TULP3: variants seen among roughly 807,000 people sequenced by gnomAD.
TULP3 encodes TUB like protein 3.
A neutral mutation model predicts 50.7 loss-of-function variants in TULP3; 38 were observed. The ratio of observed to expected loss-of-function variants is 0.75; its 90% CI spans 0.58 to 0.98. The LOEUF (loss-of-function observed/expected upper bound fraction) is 0.98. Ranked by LOEUF, TULP3 falls within the 50% of genes least tolerant of loss-of-function variation. TULP3 has a pLI of 0.00. For synonymous variants in TULP3, 183 were observed against 196.6 expected, an observed-to-expected ratio of 0.93 and a Z score of 0.58; for missense variants, 550 against 568.0, an observed-to-expected ratio of 0.97 and a Z score of 0.32.
At chr12:2,895,695 G>C (rs540688677) in intron 1 of TULP3, among the ~76,000 whole-genome samples, 4 of 152,096 alleles carry the variant, frequency 2.6e-5, no homozygotes, top group Non-Finnish European at 5.9e-5. Context: ...ACTCTATACA[G>C]TTATTTGCCA....
In TULP3 at chr12:2,899,924, A is replaced by C. The variant is rs866161018; in HGVS notation, c.41+8936A>C. Among the ~76,000 whole-genome samples the C allele has an allele frequency of 7.0e-3, 998 of 143,172 alleles. 41 individuals are homozygous for C. The highest frequency in any genetic ancestry group is 0.025 in the African/African-American group (938 of 37,230). The allele number at this position is 143,172 out of a possible 152,430, so 93.9% of individuals were successfully genotyped here. ...AAAACAAACAAAAAAAAAAACAAAA[A>C]AAACTTGGAGACGGCTGTGGTGGCT... is the stretch of plus-strand genomic sequence containing the variant. On this transcript the variant is annotated intron_variant, in intron 1 of 10. Transcript: ENST00000448120.
rs1480130271 is a variant in TULP3, at chr12:2,890,919, A to C, written c.-29A>C. 6.3e-7 allele frequency: 1 copy of C among 1,582,558 alleles called. No homozygotes were observed. The highest frequency in any genetic ancestry group is 2.4e-5 in the East Asian group (1 of 42,428). ...CTAGCGACGGCGGGGAAGAGTGTGTACGTGGTGGGGGCTTCCTCGGTGGCG... is the reference window on the plus strand; with the variant it reads ...CTAGCGACGGCGGGGAAGAGTGTGTCCGTGGTGGGGGCTTCCTCGGTGGCG... On this transcript the variant is annotated 5_prime_UTR_variant, in exon 1 of 11. Coordinates refer to ENST00000448120, the MANE Select transcript of TULP3 (RefSeq NM_003324.5).
chr12:2,922,888 C>A (rs961692602), intron 4 of TULP3, among the ~76,000 whole-genome samples: 1 of 147,588 alleles, frequency 6.8e-6, no homozygotes, highest in Non-Finnish European at 1.5e-5. Flanking sequence ...AAGTCTCACT[C>A]TGTCGCGCTG....
intron 6 of TULP3, among the ~76,000 whole-genome samples, chr12:2,933,042 A>G (rs1189644409): frequency 6.6e-6 from 1 of 151,896 alleles, no homozygotes; most frequent in Non-Finnish European, 1.5e-5. Flanking sequence ...TCCTGGGTTC[A>G]TGCCATTCTC....
chr12:2,908,680 A>C (rs1424154532), intron 1 of TULP3, among the ~76,000 whole-genome samples: 1 of 152,152 alleles, frequency 6.6e-6, no homozygotes, highest in African/African-American at 2.4e-5. Flanking sequence ...TTGACCTCCC[A>C]AAGTGCTGGG....
At chr12:2,896,702 C>T (rs1281938262) in intron 1 of TULP3, among the ~76,000 whole-genome samples, 3 of 152,116 alleles carry the variant, frequency 2.0e-5, no homozygotes, top group Non-Finnish European at 4.4e-5. Context: ...TTCAATAAAT[C>T]TACAAGGTAG....
At chr12:2,919,225 T>C (rs145803145) in intron 2 of TULP3, among the ~76,000 whole-genome samples, 200 of 152,294 alleles carry the variant, frequency 1.3e-3, no homozygotes, top group African/African-American at 4.7e-3. Context: ...TTCTGTTTGG[T>C]GGAAGTCATT....
At chr12:2,891,462 G>T (rs1372107357) in intron 1 of TULP3, among the ~76,000 whole-genome samples, 2 of 152,204 alleles carry the variant, frequency 1.3e-5, no homozygotes, top group Non-Finnish European at 2.9e-5. Context: ...AGTCCGAGGA[G>T]CGGAAACGCG....
Position 2,939,562 on chromosome 12 carries a change from ATC to A in TULP3, c.*122_*123del. The A allele has an allele frequency of 6.7e-7, 1 of 1,481,522 alleles. No individual in the cohort carries two copies. The highest frequency in any genetic ancestry group is 8.9e-7 in the Non-Finnish European group (1 of 1,122,100). 91.8% of individuals were successfully genotyped at this position (1,481,522 alleles called of 1,614,324 possible). Reference sequence around the variant, plus strand: ...GCAATAGTTTGCCCCTTTTGGAATGATCTCTGAATATATAAAACACACACACA... The same window carrying A: ...GCAATAGTTTGCCCCTTTTGGAATGATCTGAATATATAAAACACACACACA... On this transcript the variant is annotated 3_prime_UTR_variant, in exon 11 of 11. Transcript: ENST00000448120. This position sits in a 1 kb window ranked among gnomAD's most constrained non-coding sequence, Gnocchi z 4.0.
chr12:2,918,182 C>T (rs938530382), intron 2 of TULP3, among the ~76,000 whole-genome samples: 7 of 152,182 alleles, frequency 4.6e-5, no homozygotes, highest in African/African-American at 7.2e-5. Flanking sequence ...GGTCCAATCT[C>T]GGCTCACGGC....
chr12:2,911,882 G>A (rs1292346680), intron 2 of TULP3, among the ~76,000 whole-genome samples: 1 of 151,658 alleles, frequency 6.6e-6, no homozygotes, highest in African/African-American at 2.4e-5. Context: ...CCAGCTGCCT[G>A]GGAGGCTGAG....
intron 1 of TULP3, among the ~76,000 whole-genome samples, chr12:2,908,612 C>G (rs377291290): frequency 6.6e-6 from 1 of 151,426 alleles, no homozygotes; most frequent in Non-Finnish European, 1.5e-5. Flanking sequence ...TTAGTAGAGA[C>G]GGTTTCACTA....
intron 1 of TULP3, among the ~76,000 whole-genome samples, chr12:2,894,709 C>T (rs2098174451): frequency 6.6e-6 from 1 of 152,152 alleles, no homozygotes; most frequent in South Asian, 2.1e-4. Context: ...GCCCAACCAA[C>T]ATGGCGAAAC....
intron 1 of TULP3, among the ~76,000 whole-genome samples, chr12:2,906,649 A>C (rs1195406829): frequency 6.6e-6 from 1 of 151,772 alleles, no homozygotes; most frequent in African/African-American, 2.4e-5. Context: ...TAATTAAAAA[A>C]AAATGGCTGT....
intron 1 of TULP3, among the ~76,000 whole-genome samples, chr12:2,899,918 A>C (rs1359353801): frequency 1.8e-5 from 1 of 54,704 alleles, no homozygotes. Context: ...AAAAAAAAAA[A>C]CAAAAAAAAC....
chr12:2,897,199 A>G (rs1406660290), intron 1 of TULP3, among the ~76,000 whole-genome samples: 1 of 151,962 alleles, frequency 6.6e-6, no homozygotes, highest in Non-Finnish European at 1.5e-5. Context: ...TAGTAGGGAC[A>G]GGATTTCACC....
At position 2,940,568 on chromosome 12, in the gene TULP3, C is replaced by T; in HGVS notation, c.*1124C>T. On this transcript the variant is annotated 3_prime_UTR_variant, in exon 11 of 11. Transcript: ENST00000448120. ...CTTGAGAATGCAGGAGCTCTGTGAGCTCCACCGTCAGCACCATTCAGCTGC... is the reference window on the plus strand; with the variant it reads ...CTTGAGAATGCAGGAGCTCTGTGAGTTCCACCGTCAGCACCATTCAGCTGC... 1 of 1,551,488 alleles carries T rather than the reference C, an allele frequency of 6.4e-7. No homozygotes were observed. Among genetic ancestry groups the T allele is most frequent in the Non-Finnish European group, 8.7e-7 (1 of 1,146,856 alleles).
In TULP3 at chr12:2,940,589, G is replaced by T. The variant is rs2098204197; in HGVS notation, c.*1145G>T. On this transcript the variant is annotated 3_prime_UTR_variant, in exon 11 of 11. Transcript: ENST00000448120. ...TGAGCTCCACCGTCAGCACCATTCA[G>T]CTGCATCCCTTGTGCACAGAACTGT... 6.4e-7 allele frequency: 1 copy of T among 1,551,614 alleles called. No homozygotes were observed. The highest frequency in any genetic ancestry group is 2.0e-5 in the Admixed American group (1 of 50,986).
In TULP3 at chr12:2,939,295, T is replaced by A. The variant is rs751521158; in HGVS notation, c.1196-16T>A. ...CCACATTATATTCTAACATGTTGAT[T>A]TCTTTCTGTTTCTAGCTGATTATAT... On this transcript the variant is annotated splice_polypyrimidine_tract_variant and intron_variant, in intron 10 of 10. Transcript: ENST00000448120. The surrounding 1 kb of genome is among the most constrained non-coding windows in gnomAD (Gnocchi z 4.0). 1.5e-5 allele frequency: 24 copies of A among 1,610,908 alleles called. No homozygotes were observed. Among genetic ancestry groups the A allele is most frequent in the Non-Finnish European group, 2.0e-5 (24 of 1,178,948 alleles).
Sources: gnomAD v4.1 joint callset for allele counts (sites outside exome capture counted in the v4.1 genomes callset) on GRCh38, gnomAD v4.1.1 for gene constraint, Gnocchi (gnomAD v3.1) non-coding constraint, MANE v1.5 for transcripts, NCBI Gene and HGNC (gene_info 2026-07-23, HGNC 2026-07-21) for gene names.